PTPRD: variants seen among roughly 807,000 people sequenced by gnomAD.
PTPRD encodes receptor-type tyrosine-protein phosphatase delta.
In PTPRD, 34 loss-of-function variants were observed where a neutral mutation model predicts 214.5. The observed-to-expected ratio is 0.16, with a 90% CI of 0.12 to 0.21. PTPRD has a LOEUF of 0.21. Among genes scored for constraint, PTPRD ranks in the 10% least tolerant of loss-of-function variants. The probability of loss-of-function intolerance (pLI) is 1.00; values close to 1 mark genes in which losing one functional copy is unlikely to be tolerated. For synonymous variants in PTPRD, 1,128 were observed against 845.7 expected (o/e 1.33, Z -5.79); for missense variants, 2,545 against 2,398.7 (o/e 1.06, Z -1.27).
chr9:8,444,906 G>A lies in PTPRD; in HGVS notation c.3988+4819C>T, dbSNP rs34885479. ...CATATCTATTCACCCATCCTAGTGC[G>A]CACCCAGTTACTGCTGTCTACAGAG... On this transcript the variant is annotated intron_variant, in intron 34 of 45. Coordinates refer to ENST00000381196, the MANE Select transcript of PTPRD (RefSeq NM_002839.4). 5.7e-3 allele frequency among the ~76,000 whole-genome samples: 866 copies of A among 152,242 alleles called. 3 individuals are homozygous for A. Among genetic ancestry groups the A allele is most frequent in the Non-Finnish European group, 8.9e-3 (604 of 68,000 alleles).
chr9:8,413,727 A>G (rs193102836), intron 35 of PTPRD, among the ~76,000 whole-genome samples: 106 of 152,306 alleles, frequency 7.0e-4, no homozygotes, highest in Admixed American at 3.0e-3. Context: ...TTTACAATCT[A>G]AAGTGTCAGT....
intron 34 of PTPRD, chr9:8,437,120 G>T (rs1322698601): frequency 2.0e-6 from 2 of 1,006,374 alleles, no homozygotes; most frequent in South Asian, 1.6e-5. Flanking sequence ...AACAGACACT[G>T]AGAAAGGCCT....
At chr9:9,300,142 G>A (rs978850055) in intron 9 of PTPRD, among the ~76,000 whole-genome samples, 12 of 150,224 alleles carry the variant, frequency 8.0e-5, no homozygotes, top group Middle Eastern at 3.4e-3. Context: ...GAGCTACATG[G>A]TACTTAGACT....
intron 11 of PTPRD, among the ~76,000 whole-genome samples, chr9:8,735,291 C>T (rs569386892): frequency 1.3e-5 from 2 of 151,646 alleles, no homozygotes; most frequent in Non-Finnish European, 2.9e-5. Flanking sequence ...TTACAGGTGC[C>T]CACCACCATG....
rs181559694 is a variant in PTPRD, at chr9:9,685,449, C to G, written c.-287+49084G>C. On this transcript the variant is annotated intron_variant, in intron 7 of 45. Transcript: ENST00000381196. ...GTAAAAATATTTTATTTGGAATAAA[C>G]TATTACTTTTACATTTCATGATTTA... Among the ~76,000 whole-genome samples the G allele has an allele frequency of 2.1e-4, 32 of 151,306 alleles. 1 individual carries two copies. The highest frequency in any genetic ancestry group is 6.5e-4 in the African/African-American group (27 of 41,416).
At chr9:9,185,779 A>T (rs932880639) in intron 9 of PTPRD, among the ~76,000 whole-genome samples, 1 of 152,114 alleles carries the variant, frequency 6.6e-6, no homozygotes, top group African/African-American at 2.4e-5. Flanking sequence ...TATATTAATA[A>T]AGCATTTCTC....
intron 9 of PTPRD, among the ~76,000 whole-genome samples, chr9:9,311,685 C>T (rs1024006316): frequency 3.3e-5 from 5 of 152,116 alleles, no homozygotes; most frequent in African/African-American, 9.7e-5. Context: ...ACAACCAAAT[C>T]GTTCCTTAAT....
At chr9:10,453,573 T>C (rs1043460244) in intron 2 of PTPRD, among the ~76,000 whole-genome samples, 1 of 151,664 alleles carries the variant, frequency 6.6e-6, no homozygotes, top group Non-Finnish European at 1.5e-5. Context: ...GCAAATGAGA[T>C]TGCTTTTTTA....
chr9:8,464,400 A>C (rs896174563), intron 32 of PTPRD, among the ~76,000 whole-genome samples: 6 of 152,002 alleles, frequency 3.9e-5, no homozygotes, highest in Admixed American at 3.9e-4. Flanking sequence ...GAAGGCCATT[A>C]CTTTGTTTTC....
chr9:9,539,724 A>G (rs1341874539), intron 8 of PTPRD, among the ~76,000 whole-genome samples: 2 of 151,868 alleles, frequency 1.3e-5, no homozygotes, highest in African/African-American at 4.8e-5. Context: ...TGGAAACTGC[A>G]TTAAACTCTT....
chr9:8,938,425 T>C (rs1018357249), intron 11 of PTPRD, among the ~76,000 whole-genome samples: 2 of 152,116 alleles, frequency 1.3e-5, no homozygotes, highest in South Asian at 2.1e-4. Context: ...ATAATAAATA[T>C]AGCAATCATA....
intron 14 of PTPRD, among the ~76,000 whole-genome samples, chr9:8,549,176 G>A (rs866439740): frequency 5.3e-5 from 8 of 152,148 alleles, no homozygotes; most frequent in African/African-American, 1.4e-4. Context: ...AATTATGATC[G>A]TTGGAAGAGA....
intron 7 of PTPRD, among the ~76,000 whole-genome samples, chr9:9,647,822 C>T (rs2096235130): frequency 6.6e-6 from 1 of 152,122 alleles, no homozygotes; most frequent in African/African-American, 2.4e-5. Context: ...TCTCCCACTC[C>T]CTGAGAGAAA....
intron 10 of PTPRD, among the ~76,000 whole-genome samples, chr9:9,177,227 A>G (rs1028452601): frequency 5.3e-5 from 8 of 151,988 alleles, no homozygotes; most frequent in Admixed American, 2.0e-4. Flanking sequence ...TTATAAAACC[A>G]TCAGATCTCA....
chr9:9,321,342 G>A (rs538345910), intron 9 of PTPRD, among the ~76,000 whole-genome samples: 6 of 152,082 alleles, frequency 3.9e-5, no homozygotes, highest in Non-Finnish European at 5.9e-5. Flanking sequence ...GATCACCTGA[G>A]GTCGGGAGTT....
intron 10 of PTPRD, among the ~76,000 whole-genome samples, chr9:9,134,112 C>T (rs886464752): frequency 7.9e-6 from 1 of 126,386 alleles, no homozygotes; most frequent in African/African-American, 3.1e-5. Context: ...GTCGCCCAGG[C>T]TGGACTGCGG....
At chr9:8,640,445 C>G (rs1418561413) in intron 12 of PTPRD, among the ~76,000 whole-genome samples, 2 of 151,296 alleles carry the variant, frequency 1.3e-5, no homozygotes, top group Non-Finnish European at 2.9e-5. Context: ...TGAAATTAAC[C>G]TATTGAACTG....
intron 12 of PTPRD, among the ~76,000 whole-genome samples, chr9:8,684,343 A>C (rs2097628609): frequency 6.6e-6 from 1 of 152,180 alleles, no homozygotes; most frequent in South Asian, 2.1e-4. Flanking sequence ...CTATTTTACA[A>C]ATGAGCAATA....
intron 21 of PTPRD, among the ~76,000 whole-genome samples, chr9:8,511,361 G>A (rs1341799189): frequency 6.6e-6 from 1 of 152,028 alleles, no homozygotes; most frequent in Non-Finnish European, 1.5e-5. Flanking sequence ...GTGAGCCACT[G>A]TGCCTCGCCT....
Sources: allele counts gnomAD v4.1 joint callset (sites outside exome capture counted in the v4.1 genomes callset), GRCh38; gene constraint gnomAD v4.1.1; transcripts MANE v1.5; gene names NCBI Gene and HGNC (gene_info 2026-07-23, HGNC 2026-07-21).